Variants in SRRM4 observed in about 807,000 individuals in gnomAD.
SRRM4 encodes serine/arginine repetitive matrix protein 4.
In SRRM4, 33 loss-of-function variants were observed where a neutral mutation model predicts 68.9. The ratio of observed to expected loss-of-function variants is 0.48; its 90% CI spans 0.36 to 0.64. The LOEUF is 0.64. Ranked by LOEUF, SRRM4 falls within the 30% of genes least tolerant of loss-of-function variation. SRRM4 has a pLI of 0.00. For missense variants in SRRM4, 817 were observed against 827.1 expected (o/e 0.99, Z 0.15); for synonymous variants, 318 against 318.8 (o/e 1.00, Z 0.03).
intron 1 of SRRM4, among the ~76,000 whole-genome samples, chr12:119,013,792 G>A (rs1953464341): frequency 6.6e-6 from 1 of 152,000 alleles, no homozygotes; most frequent in Admixed American, 6.6e-5. Flanking sequence ...CAGTACTACT[G>A]TAAACATTTT....
At chr12:119,025,671 C>T (rs1004566648) in intron 1 of SRRM4, among the ~76,000 whole-genome samples, 2 of 151,888 alleles carry the variant, frequency 1.3e-5, no homozygotes, top group African/African-American at 2.4e-5. Flanking sequence ...CTCAAACTCC[C>T]GACCTCAGGT....
chr12:119,015,894 C>T (rs1321840959), intron 1 of SRRM4, among the ~76,000 whole-genome samples: 1 of 151,982 alleles, frequency 6.6e-6, no homozygotes, highest in African/African-American at 2.4e-5. Flanking sequence ...TCTCTGATGA[C>T]CTGTAGTGGT....
intron 1 of SRRM4, among the ~76,000 whole-genome samples, chr12:119,047,160 A>C (rs1953712882): frequency 6.6e-6 from 1 of 151,940 alleles, no homozygotes; most frequent in African/African-American, 2.4e-5. Context: ...CCTTATCTTT[A>C]GAATAGAAAC....
At chr12:119,004,195 G>T (rs1333742397) in intron 1 of SRRM4, among the ~76,000 whole-genome samples, 1 of 151,932 alleles carries the variant, frequency 6.6e-6, no homozygotes, top group Non-Finnish European at 1.5e-5. Flanking sequence ...CACACACCTG[G>T]TTATGCCCCT....
intron 1 of SRRM4, among the ~76,000 whole-genome samples, chr12:118,988,380 A>G (rs1953296241): frequency 6.6e-6 from 1 of 152,224 alleles, no homozygotes; most frequent in South Asian, 2.1e-4. Flanking sequence ...GTGGGGGAAT[A>G]GTCAACGCTA....
At chr12:119,115,056 C>G (rs965958957) in intron 3 of SRRM4, among the ~76,000 whole-genome samples, 2 of 151,690 alleles carry the variant, frequency 1.3e-5, no homozygotes, top group Non-Finnish European at 2.9e-5. Context: ...TTCATTATCT[C>G]TTTTATCCCT....
chr12:119,122,001 A>C, intron 5 of SRRM4, 69 bp from the exon 6 acceptor site: 1 of 1,024,612 alleles, frequency 9.8e-7, no homozygotes, highest in Non-Finnish European at 1.6e-6. Context: ...TGTGTTAAGC[A>C]TTTTAACTAC....
rs940715340 is a variant in SRRM4, at chr12:119,145,340, C to G, written c.772-41C>G. ...TGGTTATTTAGAAACAGCCCATGGG[C>G]CCAGCGCTCAGCAGTGTCCAACGGG... On this transcript the variant is annotated intron_variant, in intron 8 of 12. Transcript: ENST00000267260. 3.2e-6 allele frequency: 5 copies of G among 1,553,682 alleles called. No individual in the cohort carries two copies. The African/African-American group carries it at 6.8e-5, about 21-fold the overall frequency.
intron 1 of SRRM4, among the ~76,000 whole-genome samples, chr12:119,085,829 G>A (rs954254557): frequency 6.6e-6 from 1 of 152,124 alleles, no homozygotes; most frequent in African/African-American, 2.4e-5. Context: ...GAGATGCTTT[G>A]GAGTCAGAAT....
At chr12:119,115,720 A>G (rs952303581) in intron 3 of SRRM4, among the ~76,000 whole-genome samples, 19 of 152,184 alleles carry the variant, frequency 1.2e-4, no homozygotes, top group Admixed American at 2.0e-4. Flanking sequence ...AAAAAAGGAA[A>G]CCTCAGATAT....
intron 1 of SRRM4, among the ~76,000 whole-genome samples, chr12:119,100,629 C>G (rs1260058938): frequency 6.6e-6 from 1 of 152,148 alleles, no homozygotes. Flanking sequence ...CTGAAACTGA[C>G]CTGGATACAA....
intron 2 of SRRM4, among the ~76,000 whole-genome samples, chr12:119,107,772 C>T (rs1954116235): frequency 6.6e-6 from 1 of 152,134 alleles, no homozygotes; most frequent in Non-Finnish European, 1.5e-5. Flanking sequence ...AAAACCAGCT[C>T]CTGGATTCAT....
intron 1 of SRRM4, among the ~76,000 whole-genome samples, chr12:119,051,384 G>T (rs1239531477): frequency 1.3e-5 from 2 of 152,158 alleles, no homozygotes; most frequent in East Asian, 1.9e-4. Flanking sequence ...TCTACTGGGG[G>T]AAAAAAGCAA....
At chr12:119,003,496 C>T (rs753380227) in intron 1 of SRRM4, among the ~76,000 whole-genome samples, 9 of 151,948 alleles carry the variant, frequency 5.9e-5, no homozygotes, top group Non-Finnish European at 1.3e-4. Context: ...CCCCTCCTTG[C>T]TTTCCTCCAA....
intron 8 of SRRM4, among the ~76,000 whole-genome samples, chr12:119,131,787 A>G (rs1954299481): frequency 6.6e-6 from 1 of 152,232 alleles, no homozygotes; most frequent in African/African-American, 2.4e-5. Flanking sequence ...CTAAAGAGAC[A>G]GACGAACAGG....
intron 1 of SRRM4, among the ~76,000 whole-genome samples, chr12:119,061,970 G>T (rs1236313024): frequency 6.6e-6 from 1 of 152,120 alleles, no homozygotes; most frequent in Non-Finnish European, 1.5e-5. Flanking sequence ...ACTTATAAAT[G>T]GGAATACATT....
intron 1 of SRRM4, among the ~76,000 whole-genome samples, chr12:119,094,734 C>T (rs865889056): frequency 3.3e-5 from 5 of 152,232 alleles, no homozygotes; most frequent in African/African-American, 1.2e-4. Context: ...CCACTGCCCC[C>T]GTAAGCCTCT....
chr12:119,144,101 G>T (rs1281793514), intron 8 of SRRM4, among the ~76,000 whole-genome samples: 1 of 151,948 alleles, frequency 6.6e-6, no homozygotes, highest in Non-Finnish European at 1.5e-5. Context: ...CTCCTTCATT[G>T]GTCCTAGATC....
intron 1 of SRRM4, among the ~76,000 whole-genome samples, chr12:119,046,957 G>A (rs1209868836): frequency 2.6e-5 from 4 of 151,574 alleles, no homozygotes; most frequent in East Asian, 3.9e-4. Context: ...GTGTGAACCC[G>A]GGAGGCGGAG....
Sources: allele counts gnomAD v4.1 joint callset (sites outside exome capture counted in the v4.1 genomes callset), GRCh38; gene constraint gnomAD v4.1.1; transcripts MANE v1.5; gene names NCBI Gene and HGNC (gene_info 2026-07-23, HGNC 2026-07-21).